Variants in PXDNL observed in about 807,000 individuals in gnomAD.
PXDNL encodes peroxidasin like, also known as probable oxidoreductase PXDNL.
PXDNL carries 145 observed loss-of-function variants against 150.8 expected under a neutral mutation model. The observed-to-expected ratio is 0.96, with a 90% CI of 0.84 to 1.10. PXDNL has a LOEUF of 1.10. Among genes scored for constraint, PXDNL ranks in the 50% least tolerant of loss-of-function variants. The pLI, the probability that PXDNL is intolerant of heterozygous loss-of-function variation, is 0.00. For missense variants in PXDNL, 2,087 were observed against 1,873.9 expected (o/e 1.11, Z -2.10); for synonymous variants, 757 against 725.7 (o/e 1.04, Z -0.69).
At chr8:51,669,003 C>T (rs1025329413) in intron 1 of PXDNL, among the ~76,000 whole-genome samples, 1 of 152,082 alleles carries the variant, frequency 6.6e-6, no homozygotes, top group Non-Finnish European at 1.5e-5. Context: ...AAATAAGTAT[C>T]ATTAAAAATA....
chr8:51,590,357 C>T (rs534103319), intron 3 of PXDNL, among the ~76,000 whole-genome samples: 12 of 152,112 alleles, frequency 7.9e-5, no homozygotes, highest in South Asian at 2.1e-4. Flanking sequence ...CTAGTGGATC[C>T]GTGGGATTGG....
chr8:51,361,718 T>A (rs1415376337), intron 19 of PXDNL, among the ~76,000 whole-genome samples: 1 of 152,062 alleles, frequency 6.6e-6, no homozygotes, highest in Non-Finnish European at 1.5e-5. Context: ...TCTCAGCACT[T>A]TGAGAGGCCA....
intron 12 of PXDNL, among the ~76,000 whole-genome samples, chr8:51,444,196 A>G (rs775249218): frequency 1.1e-4 from 16 of 152,274 alleles, no homozygotes; most frequent in Non-Finnish European, 1.9e-4. Flanking sequence ...TACTCCTACC[A>G]TTTGGCACCC....
chr8:51,478,548 C>T (rs562553364), intron 6 of PXDNL, among the ~76,000 whole-genome samples: 12 of 152,170 alleles, frequency 7.9e-5, no homozygotes, highest in African/African-American at 2.4e-4. Flanking sequence ...TTTTACAGTC[C>T]ACTTGTGAGG....
chr8:51,524,663 T>C (rs1361513985), intron 4 of PXDNL, among the ~76,000 whole-genome samples: 1 of 152,152 alleles, frequency 6.6e-6, no homozygotes, highest in African/African-American at 2.4e-5. Flanking sequence ...AATAAGTACT[T>C]CTCAATTAAT....
intron 4 of PXDNL, among the ~76,000 whole-genome samples, chr8:51,515,149 G>A (rs1811507723): frequency 1.3e-5 from 2 of 152,206 alleles, no homozygotes; most frequent in Admixed American, 1.3e-4. Context: ...GATGCCTGCT[G>A]AGGAGGGAAG....
At position 51,371,948 on chromosome 8, in the gene PXDNL, C is replaced by G. The variant is rs761336290; in HGVS notation, c.3826G>C (p.Glu1276Gln). 2 of 1,613,992 alleles carry G rather than the reference C, an allele frequency of 1.2e-6. No individual in the cohort carries two copies. Among genetic ancestry groups the G allele is most frequent in the Non-Finnish European group, 1.7e-6 (2 of 1,179,900 alleles). The change falls in exon 19 of 23, where the codon GAA (glutamate) becomes CAA (glutamine). Residue 1276 changes from glutamate to glutamine, a missense_variant. Transcript: ENST00000356297. ...QVQADVFVKA[E>Q]YPQDYLNCSE... is the part of the protein sequence containing the mutation. ...CAGTTCAGGTAATCCTGTGGGTATTCTGCCTTTACAAAGACATCAGCCTGC... is the reference window on the plus strand; with the variant it reads ...CAGTTCAGGTAATCCTGTGGGTATTGTGCCTTTACAAAGACATCAGCCTGC...
At chr8:51,511,233 G>A (rs1014072894) in intron 4 of PXDNL, among the ~76,000 whole-genome samples, 5 of 152,178 alleles carry the variant, frequency 3.3e-5, no homozygotes, top group Admixed American at 1.3e-4. Context: ...GTGGAAGATT[G>A]CAGATCATCT....
chr8:51,677,673 CT>C (rs1380459002), intron 1 of PXDNL, among the ~76,000 whole-genome samples: 1 of 152,184 alleles, frequency 6.6e-6, no homozygotes, highest in Non-Finnish European at 1.5e-5. Flanking sequence ...ATGGCTTTTA[CT>C]TAGGAAATAG....
chr8:51,490,729 TGTGTGTGTG>T (rs1199299492), intron 5 of PXDNL, among the ~76,000 whole-genome samples: 1 of 3,410 alleles, frequency 2.9e-4, no homozygotes, highest in East Asian at 3.4e-3. Context: ...GACTTTCTAG[TGTGTGTGTG>T]TGTGTGTGTG....
At chr8:51,627,126 C>G (rs1400788890) in intron 2 of PXDNL, among the ~76,000 whole-genome samples, 1 of 152,130 alleles carries the variant, frequency 6.6e-6, no homozygotes, top group Non-Finnish European at 1.5e-5. Context: ...ACAAATTAAT[C>G]ATGAACCATG....
At chr8:51,583,825 T>C (rs950703388) in intron 3 of PXDNL, among the ~76,000 whole-genome samples, 1 of 152,092 alleles carries the variant, frequency 6.6e-6, no homozygotes, top group African/African-American at 2.4e-5. Context: ...AATTTCTTAA[T>C]CAAAATATGC....
chr8:51,476,896 T>G (rs1227556716), intron 6 of PXDNL, among the ~76,000 whole-genome samples: 1 of 152,220 alleles, frequency 6.6e-6, no homozygotes, highest in Non-Finnish European at 1.5e-5. Context: ...TAATAACTTT[T>G]AATCAAAATT....
intron 1 of PXDNL, among the ~76,000 whole-genome samples, chr8:51,697,368 AT>A (rs1816170124): frequency 1.3e-5 from 2 of 152,110 alleles, no homozygotes; most frequent in Non-Finnish European, 2.9e-5. Context: ...AAAGGTAATT[AT>A]TTTTATTTTC....
At chr8:51,789,999 A>G (rs2037495658) in intron 1 of PXDNL, among the ~76,000 whole-genome samples, 1 of 152,216 alleles carries the variant, frequency 6.6e-6, no homozygotes, top group South Asian at 2.1e-4. Flanking sequence ...CTAAGATGTA[A>G]CAAGACTTAC....
chr8:51,374,257 A>G (rs1264194925), intron 18 of PXDNL, among the ~76,000 whole-genome samples: 1 of 152,116 alleles, frequency 6.6e-6, no homozygotes, highest in African/African-American at 2.4e-5. Context: ...CAGATGAGGA[A>G]CCTGGTTCTG....
chr8:51,527,511 G>C (rs1811795661), intron 4 of PXDNL, among the ~76,000 whole-genome samples: 1 of 152,206 alleles, frequency 6.6e-6, no homozygotes, highest in African/African-American at 2.4e-5. Flanking sequence ...TGCTTTATAT[G>C]AAGTATCCGA....
At chr8:51,377,506 G>A (rs1210783682) in intron 17 of PXDNL, among the ~76,000 whole-genome samples, 2 of 152,216 alleles carry the variant, frequency 1.3e-5, no homozygotes, top group Non-Finnish European at 2.9e-5. Flanking sequence ...CAGCTTGCAG[G>A]GAGGTGTGGA....
intron 17 of PXDNL, among the ~76,000 whole-genome samples, chr8:51,393,870 C>A (rs975764686): frequency 3.9e-5 from 6 of 152,166 alleles, no homozygotes; most frequent in Non-Finnish European, 7.4e-5. Context: ...TGATTTTAGC[C>A]CAGCAAGACC....
Sources: gnomAD v4.1 joint callset for allele counts (sites outside exome capture counted in the v4.1 genomes callset) on GRCh38, gnomAD v4.1.1 for gene constraint, MANE v1.5 for transcripts, NCBI Gene and HGNC (gene_info 2026-07-23, HGNC 2026-07-21) for gene names.